The following PPFIA2 variants were observed in gnomAD, a reference collection of about 807,000 sequenced individuals.
The protein encoded by PPFIA2 is liprin-alpha-2.
Under a neutral mutation model 175.5 loss-of-function variants are expected in PPFIA2, and 46 were observed. That is an observed-to-expected ratio of 0.26 (90% CI 0.21 to 0.34). The LOEUF (loss-of-function observed/expected upper bound fraction) is 0.34. PPFIA2 is among the 10% of genes least tolerant of loss of function. The probability of loss-of-function intolerance (pLI) is 1.00; values close to 1 mark genes in which losing one functional copy is unlikely to be tolerated. For synonymous variants in PPFIA2, 568 were observed against 511.4 expected (o/e 1.11, Z -1.49); for missense variants, 1,179 against 1,506.1 (o/e 0.78, Z 3.60).
In PPFIA2 at chr12:81,508,722, T is replaced by C. The variant is rs1164520232; in HGVS notation, c.304-50856A>G. On this transcript the variant is annotated intron_variant, in intron 4 of 32. Transcript: ENST00000549396. ...CTGGTGCGCTGCATCCACTAACTCATCATCTAGCATTAGGTATATCTCCCG... is the reference window on the plus strand; with the variant it reads ...CTGGTGCGCTGCATCCACTAACTCACCATCTAGCATTAGGTATATCTCCCG... Among the ~76,000 whole-genome samples the C allele has an allele frequency of 2.0e-5, 3 of 150,880 alleles. No individual in the cohort carries two copies. In the East Asian group the frequency reaches 5.9e-4, roughly 30 times the overall value.
chr12:81,593,040 G>A (rs944805103), intron 4 of PPFIA2, among the ~76,000 whole-genome samples: 4 of 152,158 alleles, frequency 2.6e-5, no homozygotes, highest in Non-Finnish European at 4.4e-5. Flanking sequence ...ACACAGGCAT[G>A]AGCCACCATG....
chr12:81,347,271 T>C (rs1046931657), intron 18 of PPFIA2, among the ~76,000 whole-genome samples: 18 of 152,120 alleles, frequency 1.2e-4, no homozygotes, highest in African/African-American at 4.3e-4. Flanking sequence ...ACATTTATAA[T>C]GTGCTATTTA....
At chr12:81,376,495 T>C (rs2036394045) in intron 9 of PPFIA2, among the ~76,000 whole-genome samples, 1 of 152,134 alleles carries the variant, frequency 6.6e-6, no homozygotes, top group African/African-American at 2.4e-5. Flanking sequence ...TACCTAGTTA[T>C]ATATGTTTCA....
At chr12:81,398,336 A>G (rs1190244895) in intron 8 of PPFIA2, among the ~76,000 whole-genome samples, 2 of 152,088 alleles carry the variant, frequency 1.3e-5, no homozygotes, top group East Asian at 3.9e-4. Flanking sequence ...AAATTTTTGT[A>G]AGCCTCATGC....
At chr12:81,467,766 C>A (rs965076071) in intron 4 of PPFIA2, among the ~76,000 whole-genome samples, 1 of 152,064 alleles carries the variant, frequency 6.6e-6, no homozygotes, top group Middle Eastern at 3.2e-3. Context: ...TTTAATGAAC[C>A]CTTGCATTGC....
At chr12:81,664,201 A>G (rs948543032) in intron 4 of PPFIA2, among the ~76,000 whole-genome samples, 9 of 152,178 alleles carry the variant, frequency 5.9e-5, no homozygotes, top group Admixed American at 2.0e-4. Context: ...GATCTAATTA[A>G]ACTAAAGAGC....
intron 27 of PPFIA2, among the ~76,000 whole-genome samples, chr12:81,280,796 T>TA (rs1274866903): frequency 4.6e-5 from 7 of 151,892 alleles, no homozygotes; most frequent in South Asian, 2.1e-4. Flanking sequence ...CATAGAAAAA[T>TA]AAAAAAACAC....
At chr12:81,607,499 T>C (rs1236869430) in intron 4 of PPFIA2, among the ~76,000 whole-genome samples, 1 of 152,120 alleles carries the variant, frequency 6.6e-6, no homozygotes, top group Non-Finnish European at 1.5e-5. Context: ...GTTCCTCTTG[T>C]ACAGAACTTT....
chr12:81,339,337 G>C lies in PPFIA2; in HGVS notation c.2394-3C>G, dbSNP rs1275291882. On this transcript the variant is annotated splice_region_variant and splice_polypyrimidine_tract_variant and intron_variant, in intron 20 of 32. Transcript: ENST00000549396. ...GCTCAAGAGAGACAGATAAACTACT[G>C]CAAAACACAAAAGAGGAAAATACAT... 1 of 1,562,212 alleles carries C rather than the reference G, an allele frequency of 6.4e-7. No homozygotes were observed. The highest frequency in any genetic ancestry group is 1.2e-5 in the South Asian group (1 of 81,862).
At chr12:81,574,844 T>A (rs1432554036) in intron 4 of PPFIA2, among the ~76,000 whole-genome samples, 1 of 151,860 alleles carries the variant, frequency 6.6e-6, no homozygotes, top group Non-Finnish European at 1.5e-5. Context: ...AATTGTTTGC[T>A]GCTGTATGCC....
intron 3 of PPFIA2, among the ~76,000 whole-genome samples, chr12:81,728,041 T>A (rs1379302849): frequency 6.6e-6 from 1 of 151,400 alleles, no homozygotes; most frequent in African/African-American, 2.4e-5. Flanking sequence ...AGGAACATAA[T>A]AAAATGTGTT....
At chr12:81,583,984 C>T (rs1219877208) in intron 4 of PPFIA2, among the ~76,000 whole-genome samples, 1 of 151,776 alleles carries the variant, frequency 6.6e-6, no homozygotes, top group African/African-American at 2.4e-5. Flanking sequence ...AAAATTCTTC[C>T]TCAAATTCTT....
chr12:81,410,578 T>C (rs559820403), intron 7 of PPFIA2, among the ~76,000 whole-genome samples: 6 of 152,200 alleles, frequency 3.9e-5, no homozygotes, highest in African/African-American at 1.4e-4. Flanking sequence ...TGTTCAATCA[T>C]CATTTATCAA....
intron 4 of PPFIA2, among the ~76,000 whole-genome samples, chr12:81,578,249 C>T (rs961096226): frequency 4.0e-5 from 6 of 151,676 alleles, no homozygotes; most frequent in African/African-American, 7.3e-5. Flanking sequence ...ATAATATTCA[C>T]ACAAGGTGAC....
intron 4 of PPFIA2, among the ~76,000 whole-genome samples, chr12:81,462,289 A>G (rs542058129): frequency 1.8e-4 from 15 of 82,856 alleles, no homozygotes; most frequent in African/African-American, 5.1e-4. Flanking sequence ...TAGAAAACAT[A>G]TATATATATA....
At chr12:81,441,604 T>C (rs2050187689) in intron 6 of PPFIA2, among the ~76,000 whole-genome samples, 1 of 152,122 alleles carries the variant, frequency 6.6e-6, no homozygotes, top group Non-Finnish European at 1.5e-5. Context: ...AAATCTTCGA[T>C]GATTTGATTT....
At chr12:81,730,980 G>A (rs1254965586) in intron 3 of PPFIA2, among the ~76,000 whole-genome samples, 1 of 151,506 alleles carries the variant, frequency 6.6e-6, no homozygotes, top group Non-Finnish European at 1.5e-5. Flanking sequence ...TTTAAAAAAT[G>A]TAGTAGTTTT....
At chr12:81,574,886 C>A (rs994827364) in intron 4 of PPFIA2, among the ~76,000 whole-genome samples, 1 of 151,580 alleles carries the variant, frequency 6.6e-6, no homozygotes, top group Non-Finnish European at 1.5e-5. Context: ...TAACATGTAA[C>A]CAAAAAGACT....
intron 21 of PPFIA2, among the ~76,000 whole-genome samples, chr12:81,338,504 T>C (rs903659866): frequency 1.3e-5 from 2 of 152,068 alleles, no homozygotes; most frequent in African/African-American, 2.4e-5. Flanking sequence ...TGACAATAAC[T>C]AATTATAACA....
Sources: allele counts gnomAD v4.1 joint callset (sites outside exome capture counted in the v4.1 genomes callset), GRCh38; gene constraint gnomAD v4.1.1; transcripts MANE v1.5; gene names NCBI Gene and HGNC (gene_info 2026-07-23, HGNC 2026-07-21).